Variants in PCYOX1L observed in about 807,000 individuals in gnomAD.
PCYOX1L encodes the protein prenylcysteine oxidase 1 like, also known as prenylcysteine oxidase 1-like.
In PCYOX1L, 40 loss-of-function variants were observed where a neutral mutation model predicts 44.1. The observed-to-expected ratio is 0.91, with a 90% CI of 0.70 to 1.18. PCYOX1L has a LOEUF of 1.18. Among genes scored for constraint, PCYOX1L ranks in the 50% most tolerant of loss-of-function variants. The probability of loss-of-function intolerance (pLI) is 0.00; values close to 1 mark genes in which losing one functional copy is unlikely to be tolerated. For synonymous variants in PCYOX1L, 266 were observed against 282.8 expected (o/e 0.94, Z 0.60); for missense variants, 605 against 653.3 (o/e 0.93, Z 0.81).
Position 149,368,161 on chromosome 5 carries a change from C to T in PCYOX1L, c.992C>T (p.Pro331Leu), listed in dbSNP as rs571072297. The T allele has an allele frequency of 3.7e-6, 6 of 1,613,566 alleles. No individual in the cohort carries two copies. Among genetic ancestry groups the T allele is most frequent in the Non-Finnish European group, 5.1e-6 (6 of 1,179,688 alleles). ...GATGACGTGCAGGGCTCTTTCCAGC[C>T]CACCGTCGTCTCCTTGGTCCACGGC... ...PIDDVQGSFQ[P>L]TVVSLVHGYL... Residue 331 changes from proline to leucine, a missense_variant, in exon 6 of 6, where the codon CCC (proline) becomes CTC (leucine). Coordinates refer to ENST00000274569, the MANE Select transcript of PCYOX1L (RefSeq NM_024028.4).
At chr5:149,363,989 C>A (rs1279287049) in intron 2 of PCYOX1L, 47 bp from the exon 3 acceptor site, 1 of 1,599,160 alleles carries the variant, frequency 6.3e-7, no homozygotes, top group Non-Finnish European at 8.5e-7. Context: ...ATCAAGAGGG[C>A]CCCAAGTCTT....
rs1444713790 is a variant in PCYOX1L, at chr5:149,362,442, GT to G, written c.89-191del. 5.5e-5 allele frequency: 33 copies of G among 603,762 alleles called. No homozygotes were observed. The African/African-American group carries it at 6.1e-4, about 11-fold the overall frequency. 37.4% of individuals were successfully genotyped at this position (603,762 alleles called of 1,614,324 possible). On this transcript the variant is annotated intron_variant, in intron 1 of 5. Transcript: ENST00000274569. ...TGAAACGAAAGTATAGTAGGCAGCA[GT>G]TTTCAGGTTTGCCTTTGCTTATTAA...
Position 149,358,122 on chromosome 5 carries a change from C to T in PCYOX1L, c.54C>T (p.Ala18=), listed in dbSNP as rs1334831894. The T allele has an allele frequency of 4.8e-6, 7 of 1,454,950 alleles. No individual in the cohort carries two copies. Among genetic ancestry groups the T allele is most frequent in the Admixed American group, 2.5e-5 (1 of 40,720 alleles). The allele number at this position is 1,454,950 out of a possible 1,614,324, so 90.1% of individuals were successfully genotyped here. The change falls in exon 1 of 6, where the codon GCC becomes GCT. Residue 18 remains alanine, a synonymous_variant. Transcript: ENST00000274569. ...CGTTGACCGCGCTCCTCGCCGCCGC[C>T]GCTGCTGGCGGAGATGCCCCGCCGG... ...LAALTALLAA[A]AAGGDAPPGK...
At chr5:149,364,364 G>A (rs1017280810) in intron 3 of PCYOX1L, 154 bp downstream of exon 3, 2 of 862,686 alleles carry the variant, frequency 2.3e-6, no homozygotes, top group Non-Finnish European at 3.5e-6. Flanking sequence ...CCCCTGGCAT[G>A]AGGAATGGCC....
In PCYOX1L at chr5:149,358,319, G is replaced by C. The variant is rs569953063; in HGVS notation, c.88+163G>C. 1.4e-4 allele frequency: 158 copies of C among 1,143,210 alleles called. No individual in the cohort carries two copies. The East Asian group carries it at 4.8e-3, about 35-fold the overall frequency. The allele number at this position is 1,143,210 out of a possible 1,614,324, so 70.8% of individuals were successfully genotyped here. ...GCGCCGAAGGGGACGCGGCAGGGAA[G>C]GTCCTGATGGGGCCGGGGCATGGCA... On this transcript the variant is annotated intron_variant, in intron 1 of 5. Coordinates refer to ENST00000274569, the MANE Select transcript of PCYOX1L (RefSeq NM_024028.4).
chr5:149,358,516 G>T (rs960935585), intron 1 of PCYOX1L, among the ~76,000 whole-genome samples: 2 of 151,870 alleles, frequency 1.3e-5, no homozygotes, highest in Non-Finnish European at 2.9e-5. Flanking sequence ...TTGGTTGAGG[G>T]CTCTCTGTGT....
At chr5:149,364,521 A>C (rs1363726797) in intron 3 of PCYOX1L, 1 of 269,608 alleles carries the variant, frequency 3.7e-6, no homozygotes, top group Non-Finnish European at 7.3e-6. Flanking sequence ...GTGAATCAGC[A>C]GGTGGAAGAG....
chr5:149,366,901 A>T (rs530823911), intron 4 of PCYOX1L, among the ~76,000 whole-genome samples: 1 of 152,230 alleles, frequency 6.6e-6, no homozygotes, highest in African/African-American at 2.4e-5. Flanking sequence ...TTCACATACC[A>T]TATAATTCGC....
At chr5:149,367,318 G>A (rs748021016) in intron 4 of PCYOX1L, 42 bp from the exon 5 acceptor site, 14 of 1,580,220 alleles carry the variant, frequency 8.9e-6, no homozygotes, top group Admixed American at 7.5e-5. Context: ...CCTGCCCCAC[G>A]GCCCTGACAA....
Position 149,358,093 on chromosome 5 carries a change from GC to G in PCYOX1L, c.27del (p.Ala10ArgfsTer2), listed in dbSNP as rs771799583. On this transcript the variant is annotated frameshift_variant, in exon 1 of 6. Coordinates refer to ENST00000274569, the MANE Select transcript of PCYOX1L (RefSeq NM_024028.4). LOFTEE classifies it high-confidence loss of function. Reference sequence around the variant, plus strand: ...CATGGCCCGCGCAGCCCCGCTGCTCGCCGCGTTGACCGCGCTCCTCGCCGCC... The same window carrying G: ...CATGGCCCGCGCAGCCCCGCTGCTCGCGCGTTGACCGCGCTCCTCGCCGCC... MARAAPLL[A>X]ALTALLAAAA... is the part of the protein sequence containing the mutation. 1 of 1,442,626 alleles carries G rather than the reference GC, an allele frequency of 6.9e-7. No individual in the cohort carries two copies. Among genetic ancestry groups the G allele is most frequent in the South Asian group, 1.4e-5 (1 of 73,254 alleles). 89.4% of individuals were successfully genotyped at this position (1,442,626 alleles called of 1,614,324 possible). A position where few individuals can be genotyped will look rare whatever the true frequency, so the allele number is the denominator to read the frequency against.
chr5:149,366,875 G>A (rs1440003216), intron 4 of PCYOX1L, among the ~76,000 whole-genome samples: 1 of 152,082 alleles, frequency 6.6e-6, no homozygotes, highest in Non-Finnish European at 1.5e-5. Context: ...GCATTTTTGT[G>A]TAGAGATATA....
At chr5:149,360,349 A>G (rs1293794399) in intron 1 of PCYOX1L, among the ~76,000 whole-genome samples, 1 of 152,192 alleles carries the variant, frequency 6.6e-6, no homozygotes, top group Non-Finnish European at 1.5e-5. Flanking sequence ...AGGCCTTAAT[A>G]TCAATTTCTC....
chr5:149,363,973 A>G (rs1459759239), intron 2 of PCYOX1L, 63 bp from the exon 3 acceptor site: 2 of 1,578,298 alleles, frequency 1.3e-6, no homozygotes, highest in African/African-American at 2.7e-5. Flanking sequence ...GGACCAGTCC[A>G]TTTGCATCAA....
At chr5:149,361,554 T>C (rs370998242) in intron 1 of PCYOX1L, among the ~76,000 whole-genome samples, 84 of 152,338 alleles carry the variant, frequency 5.5e-4, no homozygotes, top group African/African-American at 1.9e-3. Flanking sequence ...CCAAAAAAGC[T>C]GAAACTTTGT....
intron 3 of PCYOX1L, chr5:149,364,843 C>T (rs1758145957): frequency 6.6e-6 from 1 of 152,452 alleles, no homozygotes; most frequent in Non-Finnish European, 1.5e-5. Context: ...GGGCTCCAGC[C>T]CCCTCCCCAT....
Position 149,368,299 on chromosome 5 carries a change from T to A in PCYOX1L, c.1130T>A (p.Val377Asp). Residue 377 changes from valine (V) to aspartate (D), a missense_variant, in exon 6 of 6, where the codon GTC becomes GAC. Transcript: ENST00000274569. ...FFCTLDNICP[V>D]NISASFRRKQ... is the part of the protein sequence containing the mutation. The stretch of plus-strand genomic sequence containing the variant: ...TGCACTCTGGACAACATCTGCCCTG[T>A]CAACATCTCTGCCAGCTTCCGGCGA... 1 of 1,614,186 alleles carries A rather than the reference T, an allele frequency of 6.2e-7. No individual in the cohort carries two copies. The highest frequency in any genetic ancestry group is 8.5e-7 in the Non-Finnish European group (1 of 1,180,042).
At chr5:149,366,884 T>C (rs1323971408) in intron 4 of PCYOX1L, among the ~76,000 whole-genome samples, 1 of 152,160 alleles carries the variant, frequency 6.6e-6, no homozygotes, top group Non-Finnish European at 1.5e-5. Flanking sequence ...TGTAGAGATA[T>C]ATAGAATTCA....
At chr5:149,360,961 T>C (rs1048591231) in intron 1 of PCYOX1L, among the ~76,000 whole-genome samples, 19 of 152,202 alleles carry the variant, frequency 1.2e-4, no homozygotes, top group Non-Finnish European at 2.4e-4. Context: ...TTACACCAGA[T>C]TTATTTAATT....
At position 149,368,734 on chromosome 5, in the gene PCYOX1L, A is replaced by G. The variant is rs540111258; in HGVS notation, c.*80A>G. 12 of 1,367,430 alleles carry G rather than the reference A, an allele frequency of 8.8e-6. No individual in the cohort carries two copies. In the Admixed American group the frequency reaches 2.9e-4, roughly 33 times the overall value. 84.7% of individuals were successfully genotyped at this position (1,367,430 alleles called of 1,614,324 possible). On this transcript the variant is annotated 3_prime_UTR_variant, in exon 6 of 6. Coordinates refer to ENST00000274569, the MANE Select transcript of PCYOX1L (RefSeq NM_024028.4). Reference sequence around the variant, plus strand: ...ACAGCAGCCCAGGACTGAATAAGCCATGCTCGCCCACCAGGCTTCTTTCTG... The same window carrying G: ...ACAGCAGCCCAGGACTGAATAAGCCGTGCTCGCCCACCAGGCTTCTTTCTG...
Sources: allele counts gnomAD v4.1 joint callset (sites outside exome capture counted in the v4.1 genomes callset), GRCh38; gene constraint gnomAD v4.1.1; transcripts MANE v1.5; gene names NCBI Gene and HGNC (gene_info 2026-07-23, HGNC 2026-07-21).